PAPPA2: variants seen among roughly 807,000 people sequenced by gnomAD.
The protein encoded by PAPPA2 is pappalysin-2.
A neutral mutation model predicts 176.4 loss-of-function variants in PAPPA2; 86 were observed. The observed-to-expected ratio is 0.49, with a 90% CI of 0.41 to 0.58. The LOEUF (loss-of-function observed/expected upper bound fraction) is 0.58, where lower values mean the gene tolerates loss of function less well. PAPPA2 is among the 20% of genes least tolerant of loss of function. The probability of loss-of-function intolerance (pLI) is 0.00; values close to 1 mark genes in which losing one functional copy is unlikely to be tolerated. For missense variants in PAPPA2, 2,073 were observed against 2,256.9 expected, an observed-to-expected ratio of 0.92 and a Z score of 1.65; for synonymous variants, 809 against 852.2, an observed-to-expected ratio of 0.95 and a Z score of 0.88.
At position 176,556,247 on chromosome 1, in the gene PAPPA2, C is replaced by T. The variant is rs527769161; in HGVS notation, c.-76C>T. The stretch of plus-strand genomic sequence containing the variant: ...ACTGCAAATCCATTGCTAGCTGCCT[C>T]TTTCTCGTCTGCCCATCACTCTGGT... On this transcript the variant is annotated 5_prime_UTR_variant, in exon 2 of 23. Transcript: ENST00000367662. 2 of 1,484,980 alleles carry T rather than the reference C, an allele frequency of 1.3e-6. No homozygotes were observed. The highest frequency in any genetic ancestry group is 4.2e-5 in the Admixed American group (2 of 47,508). The allele number at this position is 1,484,980 out of a possible 1,614,324, so 92.0% of individuals were successfully genotyped here. A position where few individuals can be genotyped will look rare whatever the true frequency, so the allele number is the denominator to read the frequency against.
rs573430760 is a variant in PAPPA2, at chr1:176,539,031, C to T, written c.-916-16376C>T. ...TAATTCCATGGCTGGTTCTAAGGCT[C>T]ACATACTGATGAGTGAAACGGAGAT... On this transcript the variant is annotated intron_variant, in intron 1 of 22. Transcript: ENST00000367662. Among the ~76,000 whole-genome samples the T allele has an allele frequency of 3.3e-5, 5 of 152,286 alleles. No homozygotes were observed. In the South Asian group the frequency reaches 8.3e-4, roughly 25 times the overall value.
At chr1:176,564,836 A>G (rs1352651555) in intron 2 of PAPPA2, among the ~76,000 whole-genome samples, 2 of 150,406 alleles carry the variant, frequency 1.3e-5, no homozygotes, top group Admixed American at 6.7e-5. Context: ...ATCTCAACCT[A>G]TTATCTCAAT....
chr1:176,559,940 A>T (rs924622605), intron 2 of PAPPA2, among the ~76,000 whole-genome samples: 1 of 152,206 alleles, frequency 6.6e-6, no homozygotes, highest in African/African-American at 2.4e-5. Flanking sequence ...TTACAGAGGA[A>T]CATTCCCCTC....
chr1:176,738,564 C>T (rs905603343), intron 12 of PAPPA2, among the ~76,000 whole-genome samples: 4 of 152,142 alleles, frequency 2.6e-5, no homozygotes, highest in African/African-American at 9.7e-5. Context: ...TTTCCTGGAG[C>T]TTCATCACCC....
chr1:176,790,802 A>G (rs1388358998), intron 18 of PAPPA2, among the ~76,000 whole-genome samples: 1 of 152,224 alleles, frequency 6.6e-6, no homozygotes, highest in Non-Finnish European at 1.5e-5. Flanking sequence ...TGAAGCCAAG[A>G]GTTACACAAA....
At chr1:176,531,592 A>C (rs1166839599) in intron 1 of PAPPA2, among the ~76,000 whole-genome samples, 1 of 152,122 alleles carries the variant, frequency 6.6e-6, no homozygotes, top group Non-Finnish European at 1.5e-5. Context: ...CCACTGTTCC[A>C]CCTTCATGAA....
chr1:176,692,722 G>T (rs1660175819), intron 6 of PAPPA2, among the ~76,000 whole-genome samples: 1 of 152,210 alleles, frequency 6.6e-6, no homozygotes. Flanking sequence ...TTCTGGGTGT[G>T]GGTGGATGGT....
intron 21 of PAPPA2, chr1:176,836,916 T>C (rs1667293125): frequency 2.6e-5 from 4 of 152,244 alleles, no homozygotes; most frequent in South Asian, 4.2e-4. Flanking sequence ...GCCTGGCACA[T>C]ATAGGTGTGG....
At chr1:176,572,680 G>A (rs1251959641) in intron 2 of PAPPA2, among the ~76,000 whole-genome samples, 1 of 152,160 alleles carries the variant, frequency 6.6e-6, no homozygotes. Flanking sequence ...AGTAGGATGT[G>A]TACATTGAAG....
intron 17 of PAPPA2, among the ~76,000 whole-genome samples, chr1:176,773,055 A>G (rs1664304137): frequency 2.0e-5 from 3 of 151,652 alleles, no homozygotes; most frequent in Admixed American, 1.3e-4. Flanking sequence ...TCCACCCAGA[A>G]CTCTGGGTGG....
intron 3 of PAPPA2, among the ~76,000 whole-genome samples, chr1:176,613,497 G>A (rs988497862): frequency 6.6e-6 from 1 of 152,278 alleles, no homozygotes; most frequent in East Asian, 1.9e-4. Flanking sequence ...AGCTACCCAA[G>A]GTATTAGGCA....
At chr1:176,831,764 C>A (rs1289335432) in intron 21 of PAPPA2, among the ~76,000 whole-genome samples, 11 of 152,162 alleles carry the variant, frequency 7.2e-5, no homozygotes, top group Non-Finnish European at 1.3e-4. Flanking sequence ...TGTTTTCCTG[C>A]AGCACATATC....
At chr1:176,814,783 C>T (rs1666309818) in intron 21 of PAPPA2, among the ~76,000 whole-genome samples, 1 of 152,166 alleles carries the variant, frequency 6.6e-6, no homozygotes, top group African/African-American at 2.4e-5. Context: ...ATTTCTTTCT[C>T]TTGCCTGATT....
rs566703717 is a variant in PAPPA2 at position 176,514,707 on chromosome 1, C to T, written c.-916-40700C>T. 9.2e-5 allele frequency among the ~76,000 whole-genome samples: 14 copies of T among 152,338 alleles called. 1 individual carries two copies. In the South Asian group the frequency reaches 2.9e-3, roughly 32 times the overall value. ...AGACTTATTTATCCATAGCATTCTT[C>T]ATGGGATGAATCTGTTTCAAGGAAA... On this transcript the variant is annotated intron_variant, in intron 1 of 22. Transcript: ENST00000367662.
At chr1:176,839,152 A>G (rs1430706411) in intron 21 of PAPPA2, among the ~76,000 whole-genome samples, 1 of 152,202 alleles carries the variant, frequency 6.6e-6, no homozygotes, top group Non-Finnish European at 1.5e-5. Context: ...TTTGACCACA[A>G]GATGTTTCCT....
At chr1:176,491,664 T>A (rs1195386915) in intron 1 of PAPPA2, among the ~76,000 whole-genome samples, 2 of 152,354 alleles carry the variant, frequency 1.3e-5, no homozygotes, top group Non-Finnish European at 2.9e-5. Flanking sequence ...TTTATATGTA[T>A]GGTAAAGGTA....
chr1:176,661,075 AC>A (rs1658333203), intron 3 of PAPPA2, among the ~76,000 whole-genome samples: 1 of 152,040 alleles, frequency 6.6e-6, no homozygotes, highest in African/African-American at 2.4e-5. Context: ...TCATTCAAAA[AC>A]AGTTCTCACA....
At chr1:176,478,249 C>A (rs1370485025) in intron 1 of PAPPA2, among the ~76,000 whole-genome samples, 1 of 152,162 alleles carries the variant, frequency 6.6e-6, no homozygotes, top group Non-Finnish European at 1.5e-5. Flanking sequence ...AAAACCATTC[C>A]AATGGAATAT....
At chr1:176,657,505 A>C (rs1040560202) in intron 3 of PAPPA2, among the ~76,000 whole-genome samples, 4 of 152,038 alleles carry the variant, frequency 2.6e-5, no homozygotes. Context: ...CAAGGAGTGC[A>C]AAACACGGAA....
Sources: allele counts gnomAD v4.1 joint callset (sites outside exome capture counted in the v4.1 genomes callset), GRCh38; gene constraint gnomAD v4.1.1; transcripts MANE v1.5; gene names NCBI Gene and HGNC (gene_info 2026-07-23, HGNC 2026-07-21).